ELFN1: variants seen among roughly 807,000 people sequenced by gnomAD.
ELFN1 encodes protein ELFN1.
Under a neutral mutation model 7.6 loss-of-function variants are expected in ELFN1, and 6 were observed. The observed-to-expected ratio is 0.79, with a 90% CI of 0.43 to 1.56. The LOEUF (loss-of-function observed/expected upper bound fraction) is 1.56, where lower values mean the gene tolerates loss of function less well. Among genes scored for constraint, ELFN1 ranks in the 40% most tolerant of loss-of-function variants. The probability of loss-of-function intolerance (pLI) is 0.01; values close to 1 mark genes in which losing one functional copy is unlikely to be tolerated. For missense variants in ELFN1, 1,169 were observed against 1,232.2 expected (o/e 0.95, Z 0.77); for synonymous variants, 657 against 588.1 (o/e 1.12, Z -1.70).
intron 3 of ELFN1, among the ~76,000 whole-genome samples, chr7:1,720,084 C>G (rs746705619): frequency 1.3e-5 from 2 of 152,218 alleles, no homozygotes; most frequent in Non-Finnish European, 2.9e-5. Context: ...AGAAATAAGA[C>G]TCAGCTGACA....
At chr7:1,696,175 AGT>A (rs140207256) in intron 2 of ELFN1, among the ~76,000 whole-genome samples, 13 of 147,962 alleles carry the variant, frequency 8.8e-5, no homozygotes, top group Non-Finnish European at 1.3e-4. Flanking sequence ...AGAGAGAGAG[AGT>A]GTGTGTGTGT....
intron 3 of ELFN1, among the ~76,000 whole-genome samples, chr7:1,734,736 C>T (rs1350549456): frequency 2.0e-5 from 3 of 151,184 alleles, no homozygotes; most frequent in African/African-American, 7.3e-5. Flanking sequence ...GGATCTCTGT[C>T]ACCCAGGCTG....
rs1356552342 is a variant in ELFN1, at chr7:1,705,987, G to C, written c.-455-3104G>C. Among the ~76,000 whole-genome samples the C allele has an allele frequency of 6.6e-6, 1 of 152,188 alleles. No individual in the cohort carries two copies. The highest frequency in any genetic ancestry group is 6.5e-5 in the Admixed American group (1 of 15,278). ...CACGATCGTCCTTGTTCTACAGGGA[G>C]GGAAACTGAGGCACAGCATTCCAGG... On this transcript the variant is annotated intron_variant, in intron 2 of 3. Transcript: ENST00000424383. The surrounding 1 kb of genome is among the most constrained non-coding windows in gnomAD (Gnocchi z 4.3).
chr7:1,732,804 T>C (rs1358625162), intron 3 of ELFN1, among the ~76,000 whole-genome samples: 1 of 152,144 alleles, frequency 6.6e-6, no homozygotes, highest in Non-Finnish European at 1.5e-5. Flanking sequence ...TGCAGAAACC[T>C]CTTTCCTGGG....
chr7:1,680,617 CAT>C (rs1778957054), intron 1 of ELFN1, among the ~76,000 whole-genome samples: 1 of 152,116 alleles, frequency 6.6e-6, no homozygotes, highest in East Asian at 1.9e-4. Flanking sequence ...TTCATGCATT[CAT>C]AGAGTTGCAC....
chr7:1,734,284 C>G (rs2128599949), intron 3 of ELFN1, among the ~76,000 whole-genome samples: 1 of 152,252 alleles, frequency 6.6e-6, no homozygotes, highest in Non-Finnish European at 1.5e-5. Context: ...GGCCAGCCAG[C>G]TACCCGCACC....
chr7:1,684,405 T>C (rs905040024), intron 1 of ELFN1, among the ~76,000 whole-genome samples: 1 of 152,220 alleles, frequency 6.6e-6, no homozygotes, highest in Non-Finnish European at 1.5e-5. Flanking sequence ...ATTGATCATA[T>C]TGCTGTCCAG....
chr7:1,730,146 C>G (rs905291708), intron 3 of ELFN1, among the ~76,000 whole-genome samples: 2 of 152,246 alleles, frequency 1.3e-5, no homozygotes, highest in Non-Finnish European at 2.9e-5. Context: ...GACCCTGAAT[C>G]GTGAAAATCT....
At chr7:1,702,427 GA>G (rs374309412) in intron 2 of ELFN1, among the ~76,000 whole-genome samples, 8,315 of 141,066 alleles carry the variant, frequency 0.059, 973 homozygotes, top group African/African-American at 0.19. Flanking sequence ...CGTCGGGGGG[GA>G]AAAAAAAAAA....
In ELFN1 at chr7:1,695,236, C is replaced by T. The variant is rs1326333128; in HGVS notation, c.-456+7086C>T. On this transcript the variant is annotated intron_variant, in intron 2 of 3. Coordinates refer to ENST00000424383, the MANE Select transcript of ELFN1 (RefSeq NM_001128636.4). This position sits in a 1 kb window ranked among gnomAD's most constrained non-coding sequence, Gnocchi z 5.1. ...CCAGGACCCTGCTCCTGCCTGAGAA[C>T]CCCAGGAAGTAGTAGCGTGCCAGGT... is the stretch of plus-strand genomic sequence containing the variant. Among the ~76,000 whole-genome samples, 1 of 152,210 alleles carries T rather than the reference C, an allele frequency of 6.6e-6. No homozygotes were observed. Among genetic ancestry groups the T allele is most frequent in the Non-Finnish European group, 1.5e-5 (1 of 68,042 alleles).
chr7:1,677,207 C>T (rs1271560503), intron 1 of ELFN1, among the ~76,000 whole-genome samples: 1 of 152,232 alleles, frequency 6.6e-6, no homozygotes, highest in East Asian at 1.9e-4. Flanking sequence ...GCAAGTCCTG[C>T]TTCCCTTTGA....
In ELFN1 at chr7:1,695,343, G is replaced by A. The variant is rs1413440945; in HGVS notation, c.-456+7193G>A. Among the ~76,000 whole-genome samples the A allele has an allele frequency of 1.3e-5, 2 of 152,166 alleles. No homozygotes were observed. Among genetic ancestry groups the A allele is most frequent in the South Asian group, 4.1e-4 (2 of 4,828 alleles). ...TGCAGCTCAGGGCTCAGGTGTCCGC[G>A]TCGAGGGCACTCCCTAAAGGGCAGG... On this transcript the variant is annotated intron_variant, in intron 2 of 3. Coordinates refer to ENST00000424383, the MANE Select transcript of ELFN1 (RefSeq NM_001128636.4). This position sits in a 1 kb window ranked among gnomAD's most constrained non-coding sequence, Gnocchi z 5.1.
intron 3 of ELFN1, among the ~76,000 whole-genome samples, chr7:1,722,028 A>G (rs1042305965): frequency 2.6e-5 from 4 of 152,142 alleles, no homozygotes; most frequent in Non-Finnish European, 4.4e-5. Context: ...TCTTCTGCGC[A>G]GCCCTGGGAA....
chr7:1,711,949 AG>A, intron 3 of ELFN1, among the ~76,000 whole-genome samples: 1 of 152,334 alleles, frequency 6.6e-6, no homozygotes, highest in Non-Finnish European at 1.5e-5. Flanking sequence ...GAGAACACAG[AG>A]GCCCACAGGG....
upstream of ELFN1, among the ~76,000 whole-genome samples, chr7:1,667,931 G>T (rs1055430941): frequency 6.9e-6 from 1 of 145,600 alleles, no homozygotes; most frequent in African/African-American, 2.5e-5. The surrounding 1 kb of genome is among the most constrained non-coding windows in gnomAD (Gnocchi z 8.2). Context: ...CCGGGGACTC[G>T]GTCGCAGCCG....
intron 2 of ELFN1, among the ~76,000 whole-genome samples, chr7:1,697,381 G>T (rs906769888): frequency 1.3e-5 from 2 of 152,212 alleles, no homozygotes; most frequent in African/African-American, 4.8e-5. Context: ...GGAGGGGCCT[G>T]TGCAGGGAGG....
At position 1,670,694 on chromosome 7, in the gene ELFN1, G is replaced by T. The variant is rs1012515477; in HGVS notation, c.-549+340G>T. 2.0e-5 allele frequency among the ~76,000 whole-genome samples: 3 copies of T among 151,950 alleles called. No individual in the cohort carries two copies. The highest frequency in any genetic ancestry group is 4.4e-5 in the Non-Finnish European group (3 of 67,962). Reference sequence around the variant, plus strand: ...TCCCTTCCGTCCCCCTTCGCCGTCCGCACCCTGCCCGGCGCCCCCCAGACG... The same window carrying T: ...TCCCTTCCGTCCCCCTTCGCCGTCCTCACCCTGCCCGGCGCCCCCCAGACG... On this transcript the variant is annotated intron_variant, in intron 1 of 3. Transcript: ENST00000424383. The surrounding 1 kb of genome is among the most constrained non-coding windows in gnomAD (Gnocchi z 6.4).
chr7:1,674,898 G>GC (rs890601894), intron 1 of ELFN1, among the ~76,000 whole-genome samples: 1 of 152,144 alleles, frequency 6.6e-6, no homozygotes, highest in East Asian at 1.9e-4. Context: ...CACTGTGTTT[G>GC]CTAGAGCCCC....
At chr7:1,727,309 G>A (rs1310789934) in intron 3 of ELFN1, among the ~76,000 whole-genome samples, 1 of 152,180 alleles carries the variant, frequency 6.6e-6, no homozygotes, top group African/African-American at 2.4e-5. Flanking sequence ...ATGAGACAAG[G>A]TCTTTTATTC....
Sources: allele counts gnomAD v4.1 joint callset (sites outside exome capture counted in the v4.1 genomes callset), GRCh38; gene constraint gnomAD v4.1.1; non-coding constraint Gnocchi (gnomAD v3.1); transcripts MANE v1.5; gene names NCBI Gene and HGNC (gene_info 2026-07-23, HGNC 2026-07-21).